METTL25: variants seen among roughly 807,000 people sequenced by gnomAD.
The protein encoded by METTL25 is probable methyltransferase-like protein 25.
Under a neutral mutation model 71.6 loss-of-function variants are expected in METTL25, and 64 were observed. That is an observed-to-expected ratio of 0.89 (90% confidence interval 0.73 to 1.10). The LOEUF (loss-of-function observed/expected upper bound fraction) is 1.10. Among genes scored for constraint, METTL25 ranks in the 50% least tolerant of loss-of-function variants. The probability of loss-of-function intolerance (pLI) is 0.00; values close to 1 mark genes in which losing one functional copy is unlikely to be tolerated. For synonymous variants in METTL25, 287 were observed against 250.3 expected (o/e 1.15, Z -1.38); for missense variants, 807 against 707.0 (o/e 1.14, Z -1.60).
intron 1 of METTL25, among the ~76,000 whole-genome samples, chr12:82,382,265 C>G (rs1884511099): frequency 6.6e-6 from 1 of 152,174 alleles, no homozygotes; most frequent in Admixed American, 6.5e-5. Context: ...CTTCTTGAAA[C>G]TCTGGGCCAT....
At chr12:82,461,540 T>C (rs977075189) in intron 9 of METTL25, among the ~76,000 whole-genome samples, 1 of 149,234 alleles carries the variant, frequency 6.7e-6, no homozygotes, top group African/African-American at 2.6e-5. Context: ...TATAACTTAT[T>C]AACAGACATG....
rs142330672 is a variant in METTL25 at position 82,378,737 on chromosome 12, A to G, written c.260-8066A>G. On this transcript the variant is annotated intron_variant, in intron 1 of 11. Transcript: ENST00000248306. ...CTTTATGTGCCTTGCCTCAATAATA[A>G]ACAAACTGGCCAGGTGCAATAGCTC... Among the ~76,000 whole-genome samples the G allele has an allele frequency of 3.3e-5, 5 of 152,326 alleles. 1 individual carries two copies. Among genetic ancestry groups the G allele is most frequent in the Admixed American group, 1.3e-4 (2 of 15,290 alleles).
intron 9 of METTL25, among the ~76,000 whole-genome samples, chr12:82,457,092 G>A (rs1332887893): frequency 1.3e-5 from 2 of 151,852 alleles, no homozygotes; most frequent in Non-Finnish European, 2.9e-5. Context: ...TAAAAAGCAG[G>A]ACAACAGTAC....
chr12:82,375,313 G>T (rs574012826), intron 1 of METTL25, among the ~76,000 whole-genome samples: 2 of 152,070 alleles, frequency 1.3e-5, no homozygotes, highest in Non-Finnish European at 2.9e-5. Context: ...CAAGGAAGCT[G>T]ACCACCCCTG....
At chr12:82,398,420 G>A (rs912228390) in intron 3 of METTL25, among the ~76,000 whole-genome samples, 1 of 151,670 alleles carries the variant, frequency 6.6e-6, no homozygotes, top group Non-Finnish European at 1.5e-5. Context: ...ATGTTCTGAT[G>A]ATTCGTTGTT....
At chr12:82,434,779 A>T in intron 7 of METTL25, 55 bp downstream of exon 7, 1 of 1,362,238 alleles carries the variant, frequency 7.3e-7, no homozygotes, top group South Asian at 1.2e-5. Context: ...AGTACTCTTC[A>T]TACTTGACCT....
At chr12:82,423,374 C>T (rs1592699273) in intron 5 of METTL25, among the ~76,000 whole-genome samples, 1 of 152,152 alleles carries the variant, frequency 6.6e-6, no homozygotes, top group Admixed American at 6.5e-5. Flanking sequence ...TTCCTTACAC[C>T]TTATACAAAA....
At chr12:82,361,987 A>G (rs1323315400) in intron 1 of METTL25, among the ~76,000 whole-genome samples, 6 of 152,204 alleles carry the variant, frequency 3.9e-5, no homozygotes, top group Non-Finnish European at 7.3e-5. Flanking sequence ...TTCTGCTGAT[A>G]TTTTGTGAGG....
chr12:82,416,918 A>T (rs1888035344), intron 5 of METTL25, among the ~76,000 whole-genome samples: 1 of 152,122 alleles, frequency 6.6e-6, no homozygotes, highest in African/African-American at 2.4e-5. Context: ...TAAAACCTGA[A>T]ATGAAAATCA....
intron 1 of METTL25, among the ~76,000 whole-genome samples, chr12:82,382,918 C>G (rs1884584112): frequency 6.6e-6 from 1 of 151,934 alleles, no homozygotes; most frequent in African/African-American, 2.4e-5. Flanking sequence ...CTATGTTGCC[C>G]AGGCTGATCT....
intron 3 of METTL25, among the ~76,000 whole-genome samples, chr12:82,396,043 A>G (rs1886054928): frequency 6.6e-6 from 1 of 152,052 alleles, no homozygotes; most frequent in African/African-American, 2.4e-5. Flanking sequence ...ATAATACTGT[A>G]TTTTTATTGT....
intron 5 of METTL25, among the ~76,000 whole-genome samples, chr12:82,418,459 G>A (rs917586616): frequency 3.3e-5 from 5 of 152,016 alleles, no homozygotes; most frequent in Non-Finnish European, 7.4e-5. Context: ...ATTTCATTGA[G>A]GTCAAATGTT....
chr12:82,453,300 C>T (rs1397174606), intron 8 of METTL25, among the ~76,000 whole-genome samples: 2 of 152,132 alleles, frequency 1.3e-5, no homozygotes, highest in Non-Finnish European at 2.9e-5. Flanking sequence ...TGTACACACA[C>T]TTTGGTGTGG....
chr12:82,421,427 GTTA>G (rs1888479445), intron 5 of METTL25, among the ~76,000 whole-genome samples: 1 of 152,180 alleles, frequency 6.6e-6, no homozygotes, highest in Admixed American at 6.5e-5. Flanking sequence ...ATTAGTGCCA[GTTA>G]TTAAATTCTG....
chr12:82,474,319 A>G (rs773120018), intron 9 of METTL25, among the ~76,000 whole-genome samples: 3 of 152,126 alleles, frequency 2.0e-5, no homozygotes, highest in Non-Finnish European at 2.9e-5. Context: ...CTGGACTTCT[A>G]ATCACCACAG....
chr12:82,410,534 A>C (rs1887476899), intron 5 of METTL25, among the ~76,000 whole-genome samples: 1 of 151,988 alleles, frequency 6.6e-6, no homozygotes, highest in Admixed American at 6.6e-5. Context: ...GAGAGATGAG[A>C]TTTTTCTGAG....
chr12:82,454,525 T>C (rs1891351641), intron 8 of METTL25, among the ~76,000 whole-genome samples: 1 of 151,974 alleles, frequency 6.6e-6, no homozygotes, highest in African/African-American at 2.4e-5. Context: ...TAATACAGAT[T>C]AACAAAGGAC....
At chr12:82,378,741 A>G (rs1175811273) in intron 1 of METTL25, among the ~76,000 whole-genome samples, 2 of 152,240 alleles carry the variant, frequency 1.3e-5, no homozygotes, top group African/African-American at 4.8e-5. Context: ...ATAATAAACA[A>G]ACTGGCCAGG....
intron 1 of METTL25, among the ~76,000 whole-genome samples, chr12:82,382,934 T>G (rs1466663785): frequency 1.3e-5 from 2 of 152,078 alleles, no homozygotes; most frequent in Non-Finnish European, 2.9e-5. Flanking sequence ...GATCTCAAAC[T>G]CCTGAGCTCA....
Sources: allele counts gnomAD v4.1 joint callset (sites outside exome capture counted in the v4.1 genomes callset), GRCh38; gene constraint gnomAD v4.1.1; transcripts MANE v1.5; gene names NCBI Gene and HGNC (gene_info 2026-07-23, HGNC 2026-07-21).